Variants in RIC8B observed in about 807,000 individuals in gnomAD.
RIC8B encodes the protein chaperone Ric-8B.
In RIC8B, 16 loss-of-function variants were observed where a neutral mutation model predicts 57.5. The observed-to-expected ratio is 0.28, with a 90% CI of 0.19 to 0.42. RIC8B has a LOEUF of 0.42. RIC8B is among the 10% of genes least tolerant of loss of function. RIC8B has a pLI of 1.00. For missense variants in RIC8B, 481 were observed against 677.0 expected (o/e 0.71, Z 3.21); for synonymous variants, 216 against 250.8 (o/e 0.86, Z 1.31).
intron 2 of RIC8B, among the ~76,000 whole-genome samples, chr12:106,809,522 C>CAA (rs201411394): frequency 1.9e-3 from 196 of 104,862 alleles, no homozygotes; most frequent in Middle Eastern, 5.0e-3. Context: ...ACTCTTGTCT[C>CAA]AAAAAAAAAA....
chr12:106,857,572 T>C (rs553337988), intron 7 of RIC8B, among the ~76,000 whole-genome samples: 1 of 152,324 alleles, frequency 6.6e-6, no homozygotes, highest in Middle Eastern at 3.4e-3. Flanking sequence ...TTGTTTCATT[T>C]AGGCAGCATT....
intron 2 of RIC8B, among the ~76,000 whole-genome samples, chr12:106,809,289 C>T (rs1363645844): frequency 1.2e-4 from 19 of 152,092 alleles, no homozygotes; most frequent in Admixed American, 5.9e-4. Flanking sequence ...TTTGGGAGGC[C>T]GAGGTGGGAG....
At position 106,815,252 on chromosome 12, in the gene RIC8B, C is replaced by T. The variant is rs780098197; in HGVS notation, c.689C>T (p.Ala230Val). The T allele has an allele frequency of 6.2e-7, 1 of 1,614,002 alleles. No homozygotes were observed. The highest frequency in any genetic ancestry group is 8.5e-7 in the Non-Finnish European group (1 of 1,179,954). Residue 230 changes from alanine to valine, a missense_variant, in exon 3 of 10, where the codon GCC (alanine) becomes GTC (valine). Coordinates refer to ENST00000392837, the MANE Select transcript of RIC8B (RefSeq NM_001330145.2). ...CAGGAGACAGACTGTGCCATTGAGG[C>T]CCTCAAAGCTCTCTTCAATGTGACG... ...SPQETDCAIE[A>V]LKALFNVTVD...
chr12:106,828,944 G>A (rs1002759270), intron 4 of RIC8B, among the ~76,000 whole-genome samples: 5 of 152,046 alleles, frequency 3.3e-5, no homozygotes, highest in African/African-American at 1.2e-4. Context: ...CTATAAAGGT[G>A]CTTTAGGAGA....
intron 7 of RIC8B, among the ~76,000 whole-genome samples, chr12:106,852,761 A>G (rs1257430116): frequency 6.6e-6 from 1 of 152,208 alleles, no homozygotes; most frequent in Non-Finnish European, 1.5e-5. Context: ...TATATTAACT[A>G]TTATCATAGA....
At chr12:106,855,679 C>T (rs531325480) in intron 7 of RIC8B, among the ~76,000 whole-genome samples, 1 of 152,258 alleles carries the variant, frequency 6.6e-6, no homozygotes, top group East Asian at 1.9e-4. Flanking sequence ...GTCTGATTTG[C>T]TAGCTCCTGT....
chr12:106,798,568 T>A (rs2044590003), intron 2 of RIC8B, among the ~76,000 whole-genome samples: 1 of 152,182 alleles, frequency 6.6e-6, no homozygotes, highest in Admixed American at 6.5e-5. Context: ...GTCATCACCC[T>A]GACTGAATAC....
chr12:106,785,799 C>G (rs2043982426), intron 2 of RIC8B, among the ~76,000 whole-genome samples: 1 of 124,248 alleles, frequency 8.0e-6, no homozygotes. Context: ...CTCTCTCTCT[C>G]TCTCTCTCTC....
At chr12:106,832,117 CAGTT>C (rs1440760684) in intron 4 of RIC8B, among the ~76,000 whole-genome samples, 1 of 152,188 alleles carries the variant, frequency 6.6e-6, no homozygotes, top group African/African-American at 2.4e-5. Flanking sequence ...GTCACTTCCT[CAGTT>C]AGGCCTTCCC....
chr12:106,877,456 T>C (rs986385892), intron 9 of RIC8B, among the ~76,000 whole-genome samples: 4 of 152,182 alleles, frequency 2.6e-5, no homozygotes, highest in African/African-American at 9.6e-5. Flanking sequence ...AACTAAGATT[T>C]AGAGGACATG....
chr12:106,823,669 T>C (rs1169123979), intron 3 of RIC8B, among the ~76,000 whole-genome samples: 3 of 152,120 alleles, frequency 2.0e-5, no homozygotes, highest in Non-Finnish European at 4.4e-5. Context: ...ACATAGGTAT[T>C]TAACATATGA....
intron 2 of RIC8B, among the ~76,000 whole-genome samples, chr12:106,794,595 C>A (rs545704140): frequency 6.6e-6 from 1 of 152,110 alleles, no homozygotes; most frequent in East Asian, 1.9e-4. Context: ...GCTGACTTAT[C>A]AGAAATGTAA....
intron 3 of RIC8B, among the ~76,000 whole-genome samples, chr12:106,820,069 G>A (rs1319793579): frequency 1.3e-5 from 2 of 152,014 alleles, no homozygotes. Flanking sequence ...TCAAACCCTG[G>A]GCATTTCACT....
intron 7 of RIC8B, among the ~76,000 whole-genome samples, chr12:106,853,488 A>G (rs112473598): frequency 0.029 from 470 of 16,272 alleles, 6 homozygotes; most frequent in African/African-American, 0.092. Flanking sequence ...TTTTTTTTTG[A>G]GACAGAGTCT....
At chr12:106,855,512 A>G (rs1269852866) in intron 7 of RIC8B, among the ~76,000 whole-genome samples, 3 of 152,176 alleles carry the variant, frequency 2.0e-5, no homozygotes, top group Non-Finnish European at 2.9e-5. Flanking sequence ...AATGCTCTCA[A>G]TAAGGTCACA....
chr12:106,797,701 C>T (rs577918746), intron 2 of RIC8B, among the ~76,000 whole-genome samples: 1 of 152,232 alleles, frequency 6.6e-6, no homozygotes, highest in African/African-American at 2.4e-5. Context: ...ATAATGTATC[C>T]TCTACACCCA....
intron 2 of RIC8B, among the ~76,000 whole-genome samples, chr12:106,803,451 T>C (rs1306036090): frequency 2.0e-5 from 3 of 152,200 alleles, no homozygotes; most frequent in Non-Finnish European, 4.4e-5. Flanking sequence ...GTTTCTAGAC[T>C]GTAGTTATCC....
intron 3 of RIC8B, among the ~76,000 whole-genome samples, chr12:106,820,866 T>C (rs2045808539): frequency 6.6e-6 from 1 of 152,186 alleles, no homozygotes; most frequent in Non-Finnish European, 1.5e-5. Context: ...TTTCCTGAGT[T>C]TTTTTCTCCA....
intron 9 of RIC8B, among the ~76,000 whole-genome samples, chr12:106,882,286 A>G (rs945305688): frequency 2.2e-4 from 33 of 152,112 alleles, no homozygotes; most frequent in Non-Finnish European, 5.9e-5. Context: ...AGTGTGAGGT[A>G]TGTGTTCCTG....
Sources: gnomAD v4.1 joint callset for allele counts (sites outside exome capture counted in the v4.1 genomes callset) on GRCh38, gnomAD v4.1.1 for gene constraint, MANE v1.5 for transcripts, NCBI Gene and HGNC (gene_info 2026-07-23, HGNC 2026-07-21) for gene names.